MCF2L: variants seen among roughly 807,000 people sequenced by gnomAD.
MCF2L encodes guanine nucleotide exchange factor DBS.
Under a neutral mutation model 153.4 loss-of-function variants are expected in MCF2L, and 97 were observed. That is an observed-to-expected ratio of 0.63 (90% CI 0.54 to 0.75). The LOEUF (loss-of-function observed/expected upper bound fraction) is 0.75, where lower values mean the gene tolerates loss of function less well. Ranked by LOEUF, MCF2L falls within the 30% of genes least tolerant of loss-of-function variation. MCF2L has a pLI of 0.00. For missense variants in MCF2L, 1,347 were observed against 1,495.2 expected (o/e 0.90, Z 1.64); for synonymous variants, 659 against 632.2 (o/e 1.04, Z -0.64).
chr13:112,940,660 C>T (rs1280878481), intron 2 of MCF2L, among the ~76,000 whole-genome samples: 1 of 152,192 alleles, frequency 6.6e-6, no homozygotes, highest in Non-Finnish European at 1.5e-5. Context: ...TCAGTTTTTG[C>T]AGTTAGAATA....
chr13:112,981,982 C>T (rs997649616), intron 1 of MCF2L, among the ~76,000 whole-genome samples: 3 of 152,192 alleles, frequency 2.0e-5, no homozygotes, highest in South Asian at 4.1e-4. Flanking sequence ...ACTGGGCAGG[C>T]CCCGGTCAGG....
At chr13:112,976,580 T>C (rs1236724143) in intron 1 of MCF2L, among the ~76,000 whole-genome samples, 1 of 152,160 alleles carries the variant, frequency 6.6e-6, no homozygotes, top group African/African-American at 2.4e-5. Context: ...TGTGTGATGC[T>C]CACGCGGGGA....
chr13:113,090,965 G>T, intron 26 of MCF2L: 12 of 1,217,414 alleles, frequency 9.9e-6, no homozygotes, highest in Non-Finnish European at 1.3e-5. Context: ...TCGGCTCCCT[G>T]TGTTTTGCTC....
chr13:112,992,388 T>G (rs775204366), intron 1 of MCF2L, among the ~76,000 whole-genome samples: 8 of 152,214 alleles, frequency 5.3e-5, no homozygotes, highest in Non-Finnish European at 1.0e-4. Flanking sequence ...CCGTGCTTCC[T>G]GATGTCATGA....
At chr13:112,925,445 C>G (rs753003379) in intron 2 of MCF2L, among the ~76,000 whole-genome samples, 1 of 152,148 alleles carries the variant, frequency 6.6e-6, no homozygotes, top group Non-Finnish European at 1.5e-5. Context: ...AGCTTGATGC[C>G]CAGGAGCCCC....
At chr13:113,019,185 G>C (rs558913488) in intron 2 of MCF2L, among the ~76,000 whole-genome samples, 1 of 152,310 alleles carries the variant, frequency 6.6e-6, no homozygotes, top group Admixed American at 6.5e-5. Flanking sequence ...TTAAGTGTTT[G>C]TGCAGCTGAG....
At chr13:112,957,548 CGCCA>C (rs1404003517) in intron 2 of MCF2L, 5 of 151,954 alleles carry the variant, frequency 3.3e-5, no homozygotes, top group African/African-American at 1.2e-4. Flanking sequence ...GCCAGATAGA[CGCCA>C]GATAGACGCC....
Position 113,000,853 on chromosome 13 carries a change from G to A in MCF2L, c.80-13910G>A, listed in dbSNP as rs1462551673. ...GCCAGCAGGGACATAGCAGGCCGGGGTCCCACCCAAACCCAGCACCCCTCC... is the reference window on the plus strand; with the variant it reads ...GCCAGCAGGGACATAGCAGGCCGGGATCCCACCCAAACCCAGCACCCCTCC... On this transcript the variant is annotated intron_variant, in intron 1 of 29. Coordinates refer to ENST00000535094, the MANE Select transcript of MCF2L (RefSeq NM_001112732.3). Among the ~76,000 whole-genome samples the A allele has an allele frequency of 1.3e-5, 2 of 152,226 alleles. 1 individual carries two copies. The highest frequency in any genetic ancestry group is 2.9e-5 in the Non-Finnish European group (2 of 68,034).
chr13:113,030,555 A>G (rs1376248282), intron 3 of MCF2L, among the ~76,000 whole-genome samples: 8 of 93,522 alleles, frequency 8.6e-5, no homozygotes, highest in South Asian at 4.2e-4. Context: ...ACCGACGCAG[A>G]TGTGGGCCCT....
In MCF2L at chr13:112,907,901, G is replaced by A. The variant is rs968791203; in HGVS notation, c.169+5530G>A. On this transcript the variant is annotated intron_variant, in intron 2 of 29. Transcript: ENST00000375608. The surrounding 1 kb of genome is among the most constrained non-coding windows in gnomAD (Gnocchi z 5.1). ...TCTTTTCTTTATAGTTCTGAGTCTCGAGTGAGACGGCCTCTGAAGATGAAC... is the reference window on the plus strand; with the variant it reads ...TCTTTTCTTTATAGTTCTGAGTCTCAAGTGAGACGGCCTCTGAAGATGAAC... Among the ~76,000 whole-genome samples, 1 of 152,170 alleles carries A rather than the reference G, an allele frequency of 6.6e-6. No homozygotes were observed. The highest frequency in any genetic ancestry group is 1.5e-5 in the Non-Finnish European group (1 of 68,038).
chr13:112,919,366 C>T lies in MCF2L; in HGVS notation c.169+16995C>T, dbSNP rs867458898. Among the ~76,000 whole-genome samples the T allele has an allele frequency of 9.4e-4, 142 of 151,452 alleles. 1 individual carries two copies. The highest frequency in any genetic ancestry group is 3.1e-3 in the African/African-American group (126 of 41,304). On this transcript the variant is annotated intron_variant, in intron 2 of 29. Transcript: ENST00000375608. ...GACTACAGGCGCCCGCCACTACGCCCGGCTAATTTTTTGTATTTTTAGTAG... is the reference window on the plus strand; with the variant it reads ...GACTACAGGCGCCCGCCACTACGCCTGGCTAATTTTTTGTATTTTTAGTAG...
intron 11 of MCF2L, 118 bp from the exon 12 acceptor site, chr13:113,075,848 A>C (rs78839184): frequency 1.2e-5 from 9 of 764,226 alleles, no homozygotes; most frequent in African/African-American, 7.1e-5. Flanking sequence ...TGGCGGGAGC[A>C]CGAGGAGTCG....
intron 15 of MCF2L, among the ~76,000 whole-genome samples, chr13:113,079,143 T>C (rs1020305735): frequency 6.6e-6 from 1 of 152,130 alleles, no homozygotes; most frequent in African/African-American, 2.4e-5. Context: ...CAGGCAGTGG[T>C]GCCAGGCAGC....
rs1399816583 is a variant in MCF2L at position 113,077,216 on chromosome 13, G to A, written c.1660+5G>A. 2 of 1,554,140 alleles carry A rather than the reference G, an allele frequency of 1.3e-6. No individual in the cohort carries two copies. Among genetic ancestry groups the A allele is most frequent in the Non-Finnish European group, 1.7e-6 (2 of 1,146,352 alleles). On this transcript the variant is annotated splice_donor_5th_base_variant and intron_variant, in intron 13 of 29. Transcript: ENST00000535094. ...AGTCGCCCTGCCCCTCCCCAGGTCT[G>A]TGTGGCCGCCCGGTGCCCCGGGTGC... is the stretch of plus-strand genomic sequence containing the variant.
intron 27 of MCF2L, chr13:113,095,190 T>C (rs2035545534): frequency 5.6e-6 from 7 of 1,244,802 alleles, no homozygotes; most frequent in Non-Finnish European, 7.3e-6. Flanking sequence ...TGCCATGTGT[T>C]AATCATTCCA....
At chr13:112,967,192 T>A (rs1383802677), upstream of MCF2L, among the ~76,000 whole-genome samples, 1 of 55,806 alleles carries the variant, frequency 1.8e-5, no homozygotes, top group African/African-American at 6.8e-5. Flanking sequence ...GGGGGGGCGG[T>A]GGGGGATGGG....
chr13:112,978,331 G>A (rs767032732), intron 1 of MCF2L, among the ~76,000 whole-genome samples: 1 of 152,180 alleles, frequency 6.6e-6, no homozygotes, highest in South Asian at 2.1e-4. Context: ...TTCAGGGGAC[G>A]GCAGCCTTGG....
At chr13:113,033,563 C>T (rs75354310) in intron 3 of MCF2L, among the ~76,000 whole-genome samples, 2,144 of 152,272 alleles carry the variant, frequency 0.014, 45 homozygotes, top group African/African-American at 0.048. Flanking sequence ...AGGGTCGCCC[C>T]GCCATGGTGT....
In MCF2L at chr13:112,957,209, C is replaced by G. The variant is rs117397042; in HGVS notation, c.169+54838C>G. ...CCCTGCTGCTCACAGACAGTACGCT[C>G]AGCTCAGCAGGGGCTGCTCTTACAA... On this transcript the variant is annotated intron_variant, in intron 2 of 29. Transcript: ENST00000375608. 7 of 152,344 alleles carry G rather than the reference C, an allele frequency of 4.6e-5. No individual in the cohort carries two copies. In the East Asian group the frequency reaches 1.2e-3, roughly 25 times the overall value. 9.4% of individuals were successfully genotyped at this position (152,344 alleles called of 1,614,324 possible).
Sources: gnomAD v4.1 joint callset for allele counts (sites outside exome capture counted in the v4.1 genomes callset) on GRCh38, gnomAD v4.1.1 for gene constraint, Gnocchi (gnomAD v3.1) non-coding constraint, MANE v1.5 for transcripts, NCBI Gene and HGNC (gene_info 2026-07-23, HGNC 2026-07-21) for gene names.